Variants in DSCAML1 observed in about 807,000 individuals in gnomAD.
DSCAML1 encodes the protein DS cell adhesion molecule like 1, also known as cell adhesion molecule DSCAML1.
A neutral mutation model predicts 200.5 loss-of-function variants in DSCAML1; 38 were observed. That is an observed-to-expected ratio of 0.19 (90% confidence interval 0.15 to 0.25). The LOEUF (loss-of-function observed/expected upper bound fraction) is 0.25. DSCAML1 is among the 10% of genes least tolerant of loss of function. The pLI, the probability that DSCAML1 is intolerant of heterozygous loss-of-function variation, is 1.00. For synonymous variants in DSCAML1, 1,215 were observed against 1,165.0 expected (o/e 1.04, Z -0.87); for missense variants, 2,223 against 2,858.8 (o/e 0.78, Z 5.07).
chr11:117,509,082 G>A (rs537952783), intron 8 of DSCAML1, among the ~76,000 whole-genome samples: 35 of 152,132 alleles, frequency 2.3e-4, no homozygotes, highest in Middle Eastern at 3.4e-3. Flanking sequence ...ACGGAGCCTC[G>A]GGGAGCTTCT....
intron 11 of DSCAML1, among the ~76,000 whole-genome samples, chr11:117,492,952 G>C (rs775540515): frequency 6.6e-6 from 1 of 152,236 alleles, no homozygotes; most frequent in African/African-American, 2.4e-5. Flanking sequence ...GATTAATTCA[G>C]ATTGCATGGA....
At chr11:117,753,280 G>A (rs546092150) in intron 3 of DSCAML1, among the ~76,000 whole-genome samples, 1 of 152,316 alleles carries the variant, frequency 6.6e-6, no homozygotes, top group East Asian at 1.9e-4. Context: ...AGGAATATGG[G>A]CGGCATCATT....
chr11:117,675,841 G>A (rs577696941), intron 3 of DSCAML1, among the ~76,000 whole-genome samples: 89 of 152,230 alleles, frequency 5.8e-4, no homozygotes, highest in South Asian at 2.5e-3. Flanking sequence ...GGCCACTTCA[G>A]CCTCGGTCTT....
At chr11:117,618,400 C>T (rs1434088860) in intron 3 of DSCAML1, among the ~76,000 whole-genome samples, 1 of 152,192 alleles carries the variant, frequency 6.6e-6, no homozygotes, top group Non-Finnish European at 1.5e-5. Context: ...TGGTTCTACC[C>T]TTTGGAGAAT....
chr11:117,625,695 CAG>C (rs1414402050), intron 3 of DSCAML1, among the ~76,000 whole-genome samples: 1 of 152,162 alleles, frequency 6.6e-6, no homozygotes, highest in African/African-American at 2.4e-5. Flanking sequence ...ATCTCTGTAT[CAG>C]ACTTTGCATT....
chr11:117,656,935 G>A (rs1432235306), intron 3 of DSCAML1, among the ~76,000 whole-genome samples: 1 of 152,186 alleles, frequency 6.6e-6, no homozygotes, highest in Non-Finnish European at 1.5e-5. Context: ...CTGCTTAAAT[G>A]GAAAACTAGA....
Position 117,781,516 on chromosome 11 carries a change from G to A in DSCAML1, c.47-706C>T, listed in dbSNP as rs562762398. 5.9e-5 allele frequency among the ~76,000 whole-genome samples: 9 copies of A among 152,258 alleles called. No homozygotes were observed. The East Asian group carries it at 1.2e-3, about 20-fold the overall frequency. On this transcript the variant is annotated intron_variant, in intron 1 of 32. Coordinates refer to ENST00000651296, the MANE Select transcript of DSCAML1 (RefSeq NM_020693.4). ...AATGGCTACAGGAGCTGGGATGCTC[G>A]CCTGGAATGGAAGACGGAAGAGTGC... is the stretch of plus-strand genomic sequence containing the variant.
At chr11:117,703,090 T>G (rs1228265053) in intron 3 of DSCAML1, among the ~76,000 whole-genome samples, 1 of 152,212 alleles carries the variant, frequency 6.6e-6, no homozygotes, top group Non-Finnish European at 1.5e-5. Context: ...TAGGACCTGG[T>G]GCAACAGCCA....
intron 16 of DSCAML1, among the ~76,000 whole-genome samples, chr11:117,467,269 A>G (rs1242405132): frequency 6.7e-6 from 1 of 148,862 alleles, no homozygotes; most frequent in African/African-American, 2.5e-5. Flanking sequence ...CCATCAAAGC[A>G]AACATCTTAA....
intron 3 of DSCAML1, among the ~76,000 whole-genome samples, chr11:117,608,878 G>T (rs200375723): frequency 1.5e-4 from 2 of 12,946 alleles, no homozygotes; most frequent in African/African-American, 5.6e-4. Flanking sequence ...CATTATATCT[G>T]CCAAATTGGC....
At chr11:117,745,725 A>G (rs1483711524) in intron 3 of DSCAML1, among the ~76,000 whole-genome samples, 2 of 152,184 alleles carry the variant, frequency 1.3e-5, no homozygotes, top group Admixed American at 6.5e-5. Context: ...TCAGCTCAGC[A>G]TGGAGCATCT....
intron 3 of DSCAML1, among the ~76,000 whole-genome samples, chr11:117,758,278 C>T (rs1382861023): frequency 3.4e-5 from 5 of 147,612 alleles, no homozygotes; most frequent in Non-Finnish European, 6.0e-5. Flanking sequence ...CCAGCCTGGG[C>T]GACAGAGTGA....
intron 3 of DSCAML1, among the ~76,000 whole-genome samples, chr11:117,545,326 T>C (rs1219986103): frequency 6.6e-6 from 1 of 151,954 alleles, no homozygotes; most frequent in Non-Finnish European, 1.5e-5. Context: ...GGTGGCCATC[T>C]GCAAGCCAGG....
At chr11:117,676,500 C>T (rs1018144170) in intron 3 of DSCAML1, among the ~76,000 whole-genome samples, 5 of 152,218 alleles carry the variant, frequency 3.3e-5, no homozygotes, top group Admixed American at 6.5e-5. Flanking sequence ...CCAAACCTGC[C>T]TCTCCAGCCC....
chr11:117,766,875 T>C (rs1238164698), intron 3 of DSCAML1, among the ~76,000 whole-genome samples: 1 of 152,098 alleles, frequency 6.6e-6, no homozygotes, highest in Non-Finnish European at 1.5e-5. Context: ...GCCCGCCTGC[T>C]GGGATATTGG....
At chr11:117,506,056 C>T (rs777028026) in intron 8 of DSCAML1, among the ~76,000 whole-genome samples, 28 of 152,210 alleles carry the variant, frequency 1.8e-4, no homozygotes, top group Non-Finnish European at 3.7e-4. Flanking sequence ...TGCTGCTCCT[C>T]GGCACCCCTG....
intron 11 of DSCAML1, among the ~76,000 whole-genome samples, chr11:117,484,293 A>G (rs2137226301): frequency 6.6e-6 from 1 of 152,280 alleles, no homozygotes; most frequent in African/African-American, 2.4e-5. Context: ...CGTCTGGGAC[A>G]GGAGTAGGGT....
chr11:117,738,665 G>A (rs1221303071), intron 3 of DSCAML1, among the ~76,000 whole-genome samples: 8 of 152,168 alleles, frequency 5.3e-5, no homozygotes, highest in Non-Finnish European at 1.0e-4. Context: ...TCCTTGGTCT[G>A]AAAGGATTTC....
intron 3 of DSCAML1, among the ~76,000 whole-genome samples, chr11:117,555,646 T>C (rs1259601368): frequency 1.3e-5 from 2 of 152,110 alleles, no homozygotes; most frequent in Non-Finnish European, 2.9e-5. Flanking sequence ...GAAGCAGGGA[T>C]GCACGGGGCA....
Sources: allele counts gnomAD v4.1 joint callset (sites outside exome capture counted in the v4.1 genomes callset), GRCh38; gene constraint gnomAD v4.1.1; transcripts MANE v1.5; gene names NCBI Gene and HGNC (gene_info 2026-07-23, HGNC 2026-07-21).